Variants in DENND3 observed in about 807,000 individuals in gnomAD.
DENND3 encodes DENN domain-containing protein 3.
A neutral mutation model predicts 135.1 loss-of-function variants in DENND3; 88 were observed. The ratio of observed to expected loss-of-function variants is 0.65; its 90% CI spans 0.55 to 0.78. The LOEUF is 0.78. Among genes scored for constraint, DENND3 ranks in the 30% least tolerant of loss-of-function variants. The pLI, the probability that DENND3 is intolerant of heterozygous loss-of-function variation, is 0.00. For missense variants in DENND3, 1,392 were observed against 1,688.4 expected (o/e 0.82, Z 3.08); for synonymous variants, 693 against 712.3 (o/e 0.97, Z 0.43).
At position 141,166,419 on chromosome 8, in the gene DENND3, GT is replaced by G. The variant is rs1336034869; in HGVS notation, c.1753+31del. The G allele has an allele frequency of 6.3e-7, 1 of 1,590,052 alleles. No individual in the cohort carries two copies. Among genetic ancestry groups the G allele is most frequent in the East Asian group, 2.2e-5 (1 of 44,614 alleles). On this transcript the variant is annotated intron_variant, in intron 12 of 22. Transcript: ENST00000519811. The surrounding 1 kb of genome is among the most constrained non-coding windows in gnomAD (Gnocchi z 4.3). ...GGGCTGCCCCCCACTGTGGTGCTGT[GT>G]GTCGGTCCCACCATTCCTGCACCTG...
At chr8:141,135,060 C>T (rs559393556) in intron 1 of DENND3, among the ~76,000 whole-genome samples, 3 of 152,030 alleles carry the variant, frequency 2.0e-5, no homozygotes, top group South Asian at 2.1e-4. Flanking sequence ...AGGATGGTCT[C>T]GATCTGACCT....
Position 141,141,530 on chromosome 8 carries a change from C to A in DENND3, c.623+206C>A. 1.7e-6 allele frequency: 1 copy of A among 580,188 alleles called. No homozygotes were observed. The highest frequency in any genetic ancestry group is 3.0e-6 in the Non-Finnish European group (1 of 334,244). The allele number at this position is 580,188 out of a possible 1,614,324, so 35.9% of individuals were successfully genotyped here. A position where few individuals can be genotyped will look rare whatever the true frequency, so the allele number is the denominator to read the frequency against. The stretch of plus-strand genomic sequence containing the variant: ...GTTGCTTAAGGCTGGGGGCAGTGGG[C>A]AGGGGGTGTGGCAGCGGGCGCTCCT... On this transcript the variant is annotated intron_variant, in intron 4 of 22. Transcript: ENST00000519811. The surrounding 1 kb of genome is among the most constrained non-coding windows in gnomAD (Gnocchi z 5.3).
chr8:141,137,397 C>T lies in DENND3; in HGVS notation c.385+606C>T, dbSNP rs1459843716. ...AACTTCCAGGTAAAACCATTTGTTC[C>T]TGGTGCATTCAAGGCTTTTCCCCTT... On this transcript the variant is annotated intron_variant, in intron 2 of 22. Transcript: ENST00000519811. The surrounding 1 kb of genome is among the most constrained non-coding windows in gnomAD (Gnocchi z 4.1). Among the ~76,000 whole-genome samples, 1 of 152,182 alleles carries T rather than the reference C, an allele frequency of 6.6e-6. No homozygotes were observed. The highest frequency in any genetic ancestry group is 2.4e-5 in the African/African-American group (1 of 41,414).
intron 20 of DENND3, among the ~76,000 whole-genome samples, chr8:141,190,940 T>C (rs1472252715): frequency 6.6e-6 from 1 of 152,240 alleles, no homozygotes; most frequent in Non-Finnish European, 1.5e-5. Context: ...TGTGTCTGCA[T>C]TTCTGGACGC....
Position 141,174,200 on chromosome 8 carries a change from A to C in DENND3, c.2276-1000A>C, listed in dbSNP as rs147099744. 1.6e-3 allele frequency among the ~76,000 whole-genome samples: 245 copies of C among 152,234 alleles called. No individual in the cohort carries two copies. The highest frequency in any genetic ancestry group is 3.0e-3 in the Non-Finnish European group (204 of 68,022). Reference sequence around the variant, plus strand: ...TGGGTAGGTGGGGCCCAATCTTGGAAGAATGTGGCTGTGGTATACAGAAGC... The same window carrying C: ...TGGGTAGGTGGGGCCCAATCTTGGACGAATGTGGCTGTGGTATACAGAAGC... On this transcript the variant is annotated intron_variant, in intron 13 of 22. Coordinates refer to ENST00000519811, the MANE Select transcript of DENND3 (RefSeq NM_001352890.3). The surrounding 1 kb of genome is among the most constrained non-coding windows in gnomAD (Gnocchi z 4.6).
intron 5 of DENND3, among the ~76,000 whole-genome samples, chr8:141,145,803 TTATATATA>T (rs60546894): frequency 0.025 from 2,174 of 86,836 alleles, 40 homozygotes; most frequent in South Asian, 0.052. Flanking sequence ...ATATTGAATA[TTATATATA>T]TATATATATA....
intron 22 of DENND3, 93 bp from the exon 23 acceptor site, chr8:141,193,940 G>A (rs967487008): frequency 9.6e-6 from 13 of 1,353,786 alleles, no homozygotes; most frequent in Admixed American, 4.1e-5. Context: ...AGATTTGGAG[G>A]CACACGCGTC....
In DENND3 at chr8:141,141,546, G is replaced by A. The variant is rs568207144; in HGVS notation, c.623+222G>A. The A allele has an allele frequency of 1.5e-4, 84 of 570,654 alleles. No homozygotes were observed. The East Asian group carries it at 2.3e-3, about 16-fold the overall frequency. 35.3% of individuals were successfully genotyped at this position (570,654 alleles called of 1,614,324 possible). Reference sequence around the variant, plus strand: ...GGCAGTGGGCAGGGGGTGTGGCAGCGGGCGCTCCTCTCTGTGACTGGTAAC... The same window carrying A: ...GGCAGTGGGCAGGGGGTGTGGCAGCAGGCGCTCCTCTCTGTGACTGGTAAC... On this transcript the variant is annotated intron_variant, in intron 4 of 22. Transcript: ENST00000519811. This position sits in a 1 kb window ranked among gnomAD's most constrained non-coding sequence, Gnocchi z 5.3.
intron 17 of DENND3, among the ~76,000 whole-genome samples, chr8:141,181,551 C>A (rs1401858671): frequency 6.6e-6 from 1 of 152,150 alleles, no homozygotes; most frequent in Non-Finnish European, 1.5e-5. Context: ...TTTCCTGGGA[C>A]CCTGCACGCC....
At chr8:141,181,608 T>G (rs1308003660) in intron 17 of DENND3, among the ~76,000 whole-genome samples, 1 of 152,166 alleles carries the variant, frequency 6.6e-6, no homozygotes, top group Non-Finnish European at 1.5e-5. Context: ...GCCAAGAGTC[T>G]TGGTATAAAA....
intron 5 of DENND3, 111 bp from the exon 6 acceptor site, chr8:141,150,723 A>G: frequency 7.3e-7 from 1 of 1,369,458 alleles, no homozygotes; most frequent in Non-Finnish European, 9.7e-7. Flanking sequence ...CTGTGTCTTC[A>G]GAAATGTTTT....
chr8:141,189,183 G>C (rs1824344901), intron 19 of DENND3, 37 bp downstream of exon 19: 1 of 1,613,422 alleles, frequency 6.2e-7, no homozygotes, highest in South Asian at 1.1e-5. Context: ...GGACTGTTTG[G>C]CTTGTGGGTG....
intron 7 of DENND3, 120 bp downstream of exon 7, chr8:141,151,957 G>T: frequency 1.6e-6 from 2 of 1,235,206 alleles, no homozygotes; most frequent in South Asian, 2.8e-5. Context: ...GCCGCAGAGA[G>T]GTCACGGGTA....
Position 141,150,960 on chromosome 8 carries a change from G to A in DENND3, c.855+7G>A, listed in dbSNP as rs761886539. 7 of 1,532,552 alleles carry A rather than the reference G, an allele frequency of 4.6e-6. No homozygotes were observed. Among genetic ancestry groups the A allele is most frequent in the East Asian group, 2.4e-5 (1 of 41,994 alleles). 94.9% of individuals were successfully genotyped at this position (1,532,552 alleles called of 1,614,324 possible). ...GCCTGAGAAGGTGCTACAGGTACGC[G>A]GCCCCGCCCCGGCGAGCGCGTCTTG... On this transcript the variant is annotated splice_region_variant and intron_variant, in intron 6 of 22. Transcript: ENST00000519811.
At chr8:141,188,182 G>A (rs969323302) in intron 18 of DENND3, among the ~76,000 whole-genome samples, 4 of 152,066 alleles carry the variant, frequency 2.6e-5, no homozygotes, top group Non-Finnish European at 5.9e-5. Flanking sequence ...CCATGATCAT[G>A]CCACTGCACT....
intron 8 of DENND3, 86 bp downstream of exon 8, chr8:141,156,056 A>G: frequency 5.5e-6 from 8 of 1,451,772 alleles, no homozygotes; most frequent in Non-Finnish European, 7.3e-6. Context: ...TTCCAATTTT[A>G]TATAACTGAT....
intron 17 of DENND3, among the ~76,000 whole-genome samples, chr8:141,184,201 T>C (rs1823582784): frequency 6.6e-6 from 1 of 152,254 alleles, no homozygotes; most frequent in Non-Finnish European, 1.5e-5. Context: ...AAATGGGTGC[T>C]GCTAAAATCA....
intron 8 of DENND3, chr8:141,157,398 T>C: frequency 7.1e-6 from 7 of 985,432 alleles, no homozygotes; most frequent in Non-Finnish European, 8.4e-6. Context: ...TTCAGCATTT[T>C]ATAAAATGAT....
intron 13 of DENND3, among the ~76,000 whole-genome samples, chr8:141,171,456 A>T (rs1589658770): frequency 6.6e-6 from 1 of 152,230 alleles, no homozygotes; most frequent in African/African-American, 2.4e-5. Context: ...CAAGACGTCC[A>T]TGGGCAGCTC....
Sources: gnomAD v4.1 joint callset for allele counts (sites outside exome capture counted in the v4.1 genomes callset) on GRCh38, gnomAD v4.1.1 for gene constraint, Gnocchi (gnomAD v3.1) non-coding constraint, MANE v1.5 for transcripts, NCBI Gene and HGNC (gene_info 2026-07-23, HGNC 2026-07-21) for gene names.